Variants in STK4 observed in about 807,000 individuals in gnomAD.
The protein encoded by STK4 is serine/threonine-protein kinase 4.
STK4 carries 30 observed loss-of-function variants against 64.9 expected under a neutral mutation model. The ratio of observed to expected loss-of-function variants is 0.46; its 90% confidence interval spans 0.35 to 0.63. The LOEUF (loss-of-function observed/expected upper bound fraction) is 0.63, where lower values mean the gene tolerates loss of function less well. STK4 is among the 20% of genes least tolerant of loss of function. STK4 has a pLI of 0.01. For synonymous variants in STK4, 177 were observed against 199.0 expected, an observed-to-expected ratio of 0.89 and a Z score of 0.93; for missense variants, 466 against 598.5, an observed-to-expected ratio of 0.78 and a Z score of 2.31.
intron 9 of STK4, among the ~76,000 whole-genome samples, chr20:45,005,663 A>AAC (rs2067928847): frequency 6.6e-6 from 1 of 151,548 alleles, no homozygotes; most frequent in African/African-American, 2.4e-5. Flanking sequence ...AAAAAAAAAA[A>AAC]AAAACAAAAC....
intron 10 of STK4, among the ~76,000 whole-genome samples, chr20:45,048,401 G>T (rs2068728017): frequency 6.6e-6 from 1 of 152,146 alleles, no homozygotes; most frequent in African/African-American, 2.4e-5. Context: ...ACTGGAAAAG[G>T]GAAAGATACT....
intron 9 of STK4, among the ~76,000 whole-genome samples, chr20:45,007,566 AAAAG>A (rs2067971119): frequency 6.6e-6 from 1 of 151,908 alleles, no homozygotes; most frequent in Non-Finnish European, 1.5e-5. Context: ...ACAAACAAAA[AAAAG>A]AAAGCACTTC....
chr20:45,032,004 C>G (rs1366865470), intron 10 of STK4, among the ~76,000 whole-genome samples: 1 of 151,388 alleles, frequency 6.6e-6, no homozygotes, highest in African/African-American at 2.4e-5. Context: ...TATACTTTAT[C>G]TAGAAGATGT....
chr20:44,977,437 A>G (rs1436515628), intron 2 of STK4, among the ~76,000 whole-genome samples: 1 of 152,196 alleles, frequency 6.6e-6, no homozygotes, highest in Non-Finnish European at 1.5e-5. Context: ...GAAATATGAA[A>G]GACAGTTTAC....
rs368513990 is a variant in STK4, at chr20:44,981,942, C to T, written c.359C>T (p.Thr120Met). The change falls in exon 4 of 11, where the codon ACG (threonine) becomes ATG (methionine). Residue 120 changes from threonine to methionine, a missense_variant and splice_region_variant. By Grantham distance (81) the Thr-to-Met change is moderately conservative (BLOSUM62 -1). Around this residue, in one of 2 missense-constraint regions of STK4, gnomAD observed 190 missense variants for 289.7 expected, o/e 0.66. Coordinates refer to ENST00000372806, the MANE Select transcript of STK4 (RefSeq NM_006282.5). ...VSDIIRLRNKTLTEDEIATIL... is the reference protein window; with the variant it reads ...VSDIIRLRNKMLTEDEIATIL... ...GATATCATTCGATTACGAAATAAAA[C>T]GGTAGGTTTACCTTCTAGAACATGC... 31 of 1,607,282 alleles carry T rather than the reference C, an allele frequency of 1.9e-5. No individual in the cohort carries two copies. The highest frequency in any genetic ancestry group is 8.0e-5 in the African/African-American group (6 of 74,716).
chr20:45,008,109 C>T (rs1030301995), intron 9 of STK4, among the ~76,000 whole-genome samples: 5 of 152,306 alleles, frequency 3.3e-5, no homozygotes, highest in South Asian at 2.1e-4. Flanking sequence ...GGCTGGAGTG[C>T]GTTGGCACGA....
intron 10 of STK4, among the ~76,000 whole-genome samples, chr20:45,052,572 T>C (rs1471118743): frequency 6.6e-6 from 1 of 152,220 alleles, no homozygotes; most frequent in East Asian, 1.9e-4. Flanking sequence ...CAGGTCGTTC[T>C]AATATATTAA....
At chr20:44,979,606 A>C (rs1466250466) in intron 3 of STK4, among the ~76,000 whole-genome samples, 1 of 152,218 alleles carries the variant, frequency 6.6e-6, no homozygotes, top group Non-Finnish European at 1.5e-5. Context: ...TTGAAGCTGC[A>C]TTCATTCTTC....
At chr20:45,007,942 T>C (rs1239364244) in intron 9 of STK4, 1 of 218,210 alleles carries the variant, frequency 4.6e-6, no homozygotes, top group Non-Finnish European at 9.7e-6. Flanking sequence ...TTTATATCCA[T>C]GTGTGCTCAG....
rs1362623843 is a variant in STK4, at chr20:45,025,023, G to C, written c.1198G>C (p.Glu400Gln). The C allele has an allele frequency of 6.2e-7, 1 of 1,613,136 alleles. No homozygotes were observed. The highest frequency in any genetic ancestry group is 1.7e-5 in the Admixed American group (1 of 59,932). The change falls in exon 10 of 11, where the codon GAA (glutamate) becomes CAA (glutamine). Residue 400 changes from glutamate to glutamine, a missense_variant. Around this residue, in one of 2 missense-constraint regions of STK4, gnomAD observed 276 missense variants for 308.9 expected, o/e 0.89. Coordinates refer to ENST00000372806, the MANE Select transcript of STK4 (RefSeq NM_006282.5). ...GAAACCATCCTTTCTTGAATATTTT[G>C]AACAAAAAGAAAAGGAAAACCAGAT... ...PAKPSFLEYFEQKEKENQINS... is the reference protein window; with the variant it reads ...PAKPSFLEYFQQKEKENQINS...
intron 9 of STK4, among the ~76,000 whole-genome samples, chr20:45,021,613 T>C (rs966811654): frequency 3.9e-5 from 6 of 152,238 alleles, no homozygotes; most frequent in African/African-American, 1.4e-4. Flanking sequence ...ATATTTCATC[T>C]GCATCTCTAG....
intron 10 of STK4, among the ~76,000 whole-genome samples, chr20:45,069,948 C>T (rs1320992558): frequency 6.6e-6 from 1 of 151,678 alleles, no homozygotes; most frequent in African/African-American, 2.4e-5. Flanking sequence ...GGAGAGGAGG[C>T]AGTCTTTCTA....
chr20:45,011,567 T>C (rs1026953036), intron 9 of STK4, among the ~76,000 whole-genome samples: 2 of 151,684 alleles, frequency 1.3e-5, no homozygotes, highest in African/African-American at 4.8e-5. Flanking sequence ...TTGGTGTTCT[T>C]TTTCTGTAGC....
At chr20:44,985,711 A>ATT (rs1281837849) in intron 4 of STK4, among the ~76,000 whole-genome samples, 1 of 152,244 alleles carries the variant, frequency 6.6e-6, no homozygotes. Flanking sequence ...AAGGTGTTAA[A>ATT]TTATGACATA....
intron 9 of STK4, among the ~76,000 whole-genome samples, chr20:45,011,487 G>C (rs1040512543): frequency 6.6e-6 from 1 of 151,770 alleles, no homozygotes; most frequent in Non-Finnish European, 1.5e-5. Flanking sequence ...CAAATAAGAA[G>C]TCAGCCAAAA....
chr20:45,029,695 C>T (rs753689086), intron 10 of STK4, among the ~76,000 whole-genome samples: 2 of 152,170 alleles, frequency 1.3e-5, no homozygotes, highest in African/African-American at 2.4e-5. Context: ...TTACCCCAGG[C>T]AGACTGAATA....
At chr20:44,980,204 G>A (rs1212887735) in intron 3 of STK4, among the ~76,000 whole-genome samples, 2 of 152,174 alleles carry the variant, frequency 1.3e-5, no homozygotes, top group Non-Finnish European at 2.9e-5. Flanking sequence ...TTTAACTCCT[G>A]TCAGTACTGT....
At chr20:45,061,685 A>C (rs1265837030) in intron 10 of STK4, among the ~76,000 whole-genome samples, 6 of 148,572 alleles carry the variant, frequency 4.0e-5, no homozygotes, top group African/African-American at 1.5e-4. Context: ...TTTGATGTAG[A>C]TTATTTCATC....
intron 4 of STK4, 52 bp downstream of exon 4, chr20:44,981,995 C>T (rs1333992782): frequency 8.1e-7 from 1 of 1,233,288 alleles, no homozygotes; most frequent in East Asian, 2.4e-5. Context: ...ATGCCATCTT[C>T]TTTTCTCTGC....
Sources: allele counts gnomAD v4.1 joint callset (sites outside exome capture counted in the v4.1 genomes callset), GRCh38; gene constraint gnomAD v4.1.1; regional missense constraint gnomAD v4.1.1; transcripts MANE v1.5; gene names NCBI Gene and HGNC (gene_info 2026-07-23, HGNC 2026-07-21).